Variants in USP47 observed in about 807,000 individuals in gnomAD.
The protein encoded by USP47 is ubiquitin carboxyl-terminal hydrolase 47.
In USP47, 35 loss-of-function variants were observed where a neutral mutation model predicts 165.1. The ratio of observed to expected loss-of-function variants is 0.21; its 90% CI spans 0.16 to 0.28. The LOEUF is 0.28. USP47 is among the 10% of genes least tolerant of loss of function. The pLI, the probability that USP47 is intolerant of heterozygous loss-of-function variation, is 1.00. For missense variants in USP47, 1,277 were observed against 1,607.4 expected (o/e 0.79, Z 3.52); for synonymous variants, 531 against 544.5 (o/e 0.98, Z 0.35).
At chr11:11,897,109 A>G (rs2134413631) in intron 4 of USP47, among the ~76,000 whole-genome samples, 1 of 150,024 alleles carries the variant, frequency 6.7e-6, no homozygotes, top group African/African-American at 2.5e-5. Context: ...ATTCATTCTT[A>G]CAGAAATTGG....
At chr11:11,844,484 G>A (rs376325460) in intron 1 of USP47, among the ~76,000 whole-genome samples, 11 of 152,154 alleles carry the variant, frequency 7.2e-5, no homozygotes, top group Non-Finnish European at 1.5e-4. Flanking sequence ...GTTAGGCCCA[G>A]AAGATTGAAA....
rs569324615 is a variant in USP47 at position 11,854,554 on chromosome 11, C to G, written c.39+12330C>G. On this transcript the variant is annotated intron_variant, in intron 1 of 27. Coordinates refer to ENST00000527733, the MANE Select transcript of USP47 (RefSeq NM_001282659.2). ...TTACTACCATCATTTCTATCATTAC[C>G]TTCATTTCTATATCCTCCCCCAGGG... Among the ~76,000 whole-genome samples the G allele has an allele frequency of 2.0e-5, 3 of 147,492 alleles. No individual in the cohort carries two copies. The Admixed American group carries it at 2.0e-4, about 10-fold the overall frequency.
At chr11:11,901,296 T>C (rs891378193) in intron 5 of USP47, among the ~76,000 whole-genome samples, 1 of 152,090 alleles carries the variant, frequency 6.6e-6, no homozygotes, top group Non-Finnish European at 1.5e-5. Flanking sequence ...AAATTAAAGC[T>C]CAAACCTCCT....
chr11:11,913,851 C>A (rs1853205953), intron 8 of USP47, among the ~76,000 whole-genome samples: 2 of 152,056 alleles, frequency 1.3e-5, no homozygotes, highest in South Asian at 4.2e-4. Flanking sequence ...ATGCATGTAT[C>A]AAGTATCACA....
At chr11:11,911,980 G>A (rs1351335741) in intron 8 of USP47, among the ~76,000 whole-genome samples, 2 of 151,722 alleles carry the variant, frequency 1.3e-5, no homozygotes, top group South Asian at 2.1e-4. Flanking sequence ...ATGATCCATG[G>A]GTCAAAGAGG....
intron 1 of USP47, among the ~76,000 whole-genome samples, chr11:11,879,356 T>C (rs1850682901): frequency 6.6e-6 from 1 of 152,088 alleles, no homozygotes; most frequent in Non-Finnish European, 1.5e-5. Context: ...ATGGTGCCAT[T>C]CATTGAGATG....
At chr11:11,861,156 A>G (rs1386653562) in intron 1 of USP47, among the ~76,000 whole-genome samples, 2 of 152,064 alleles carry the variant, frequency 1.3e-5, no homozygotes, top group Non-Finnish European at 2.9e-5. Flanking sequence ...GTATAGTGAC[A>G]CGATCTTGGC....
chr11:11,917,773 A>G (rs916151539), intron 8 of USP47, among the ~76,000 whole-genome samples: 1 of 152,212 alleles, frequency 6.6e-6, no homozygotes, highest in Non-Finnish European at 1.5e-5. Flanking sequence ...AAAGGAACAC[A>G]ATAAATATTA....
chr11:11,932,550 T>C (rs1199119369), intron 14 of USP47, among the ~76,000 whole-genome samples: 1 of 152,124 alleles, frequency 6.6e-6, no homozygotes. Context: ...AGCAGCAGTA[T>C]TTATTAAGTT....
At chr11:11,883,020 G>A (rs537717169) in intron 2 of USP47, among the ~76,000 whole-genome samples, 23 of 152,048 alleles carry the variant, frequency 1.5e-4, no homozygotes, top group African/African-American at 2.4e-4. Context: ...TGCTTACTGC[G>A]TAGTGCTGAA....
rs182250974 is a variant in USP47, at chr11:11,851,832, G to A, written c.39+9608G>A. ...ATGGAATGGCTCTCAATTTGGGTTT[G>A]TGGATGCTCTCTCATGAATAGATTG... On this transcript the variant is annotated intron_variant, in intron 1 of 27. Transcript: ENST00000527733. 1.1e-3 allele frequency among the ~76,000 whole-genome samples: 170 copies of A among 152,262 alleles called. No individual in the cohort carries two copies. The Middle Eastern group carries it at 0.014, about 12-fold the overall frequency.
intron 8 of USP47, among the ~76,000 whole-genome samples, chr11:11,911,779 T>G (rs1853011981): frequency 6.6e-6 from 1 of 152,066 alleles, no homozygotes; most frequent in Non-Finnish European, 1.5e-5. Context: ...GCTAAAGTGC[T>G]TCACCCAACA....
At chr11:11,870,116 G>A (rs969839514) in intron 1 of USP47, among the ~76,000 whole-genome samples, 2 of 144,752 alleles carry the variant, frequency 1.4e-5, no homozygotes, top group African/African-American at 5.1e-5. Context: ...TTTCCTGTGG[G>A]TTATTTGAAC....
At chr11:11,879,102 T>C (rs1415982585) in intron 1 of USP47, among the ~76,000 whole-genome samples, 1 of 152,194 alleles carries the variant, frequency 6.6e-6, no homozygotes, top group Non-Finnish European at 1.5e-5. Flanking sequence ...CAGATTTGTA[T>C]ATCAGAAATA....
At position 11,854,879 on chromosome 11, in the gene USP47, G is replaced by A. The variant is rs1225655578; in HGVS notation, c.39+12655G>A. On this transcript the variant is annotated intron_variant, in intron 1 of 27. Transcript: ENST00000527733. ...GAGGCTGAAGCAGGCGGATCACGAG[G>A]TCAGGAGATCGAGACCATCCTGGCT... Among the ~76,000 whole-genome samples the A allele has an allele frequency of 1.4e-5, 2 of 146,688 alleles. 1 individual carries two copies. Among genetic ancestry groups the A allele is most frequent in the Non-Finnish European group, 3.1e-5 (2 of 65,496 alleles).
chr11:11,883,856 CT>C (rs1055223456), intron 2 of USP47, among the ~76,000 whole-genome samples: 6 of 152,176 alleles, frequency 3.9e-5, no homozygotes, highest in African/African-American at 9.7e-5. Context: ...TCCATACCCC[CT>C]GGGTCCTCTG....
In USP47 at chr11:11,904,660, A is replaced by G. The variant is rs146865364; in HGVS notation, c.820-739A>G. 5.6e-3 allele frequency among the ~76,000 whole-genome samples: 854 copies of G among 151,360 alleles called. 6 individuals carry two copies. Among genetic ancestry groups the G allele is most frequent in the Non-Finnish European group, 9.5e-3 (641 of 67,794 alleles). ...CTGAGTTCCCAAGTTTTGGTACAAA[A>G]CTCTTTGGTCCTTACTTAGGGAGTT... On this transcript the variant is annotated intron_variant, in intron 7 of 27. Coordinates refer to ENST00000527733, the MANE Select transcript of USP47 (RefSeq NM_001282659.2).
chr11:11,901,678 G>C (rs1852236298), intron 5 of USP47, among the ~76,000 whole-genome samples: 2 of 152,218 alleles, frequency 1.3e-5, no homozygotes, highest in Admixed American at 6.5e-5. Context: ...AGGGAAGTAG[G>C]CTGAGTGCAG....
At chr11:11,862,427 G>T (rs113023795) in intron 1 of USP47, among the ~76,000 whole-genome samples, 5 of 151,972 alleles carry the variant, frequency 3.3e-5, no homozygotes, top group East Asian at 3.9e-4. Flanking sequence ...TACATTGTGG[G>T]TTTTTTCATG....
Sources: gnomAD v4.1 joint callset for allele counts (sites outside exome capture counted in the v4.1 genomes callset) on GRCh38, gnomAD v4.1.1 for gene constraint, MANE v1.5 for transcripts, NCBI Gene and HGNC (gene_info 2026-07-23, HGNC 2026-07-21) for gene names.